The following LYZ variants were observed in gnomAD, a reference collection of about 807,000 sequenced individuals.
LYZ encodes lysozyme.
Under a neutral mutation model 15.8 loss-of-function variants are expected in LYZ, and 18 were observed. The observed-to-expected ratio is 1.14, with a 90% CI of 0.79 to 1.69. The LOEUF is 1.69. LYZ is among the 40% of genes most tolerant of loss of function. The pLI is 0.00. For missense variants in LYZ, 139 were observed against 182.8 expected (o/e 0.76, Z 1.38); for synonymous variants, 60 against 61.7 (o/e 0.97, Z 0.13).
intron 3 of LYZ, among the ~76,000 whole-genome samples, chr12:69,352,677 C>G (rs1874867977): frequency 6.6e-6 from 1 of 152,146 alleles, no homozygotes; most frequent in Non-Finnish European, 1.5e-5. Flanking sequence ...AGTTCGAGAC[C>G]AGCCTGCCTA....
rs1874775344 is a variant in LYZ, at chr12:69,348,543, C to G, written c.135C>G (p.Asn45Lys). The G allele has an allele frequency of 6.2e-7, 1 of 1,614,028 alleles. No individual in the cohort carries two copies. Among genetic ancestry groups the G allele is most frequent in the South Asian group, 1.1e-5 (1 of 91,084 alleles). The change falls in exon 1 of 4, where the codon AAC becomes AAG. Residue 45 changes from asparagine to lysine, a missense_variant and splice_region_variant. Coordinates refer to ENST00000261267, the MANE Select transcript of LYZ (RefSeq NM_000239.3). ...MDGYRGISLA[N>K]WMCLAKWESG... ...GCTACAGGGGAATCAGCCTAGCAAA[C>G]TGTAAGTCTACTCTCCATAATTCCA...
In LYZ at chr12:69,353,396, A is replaced by G; in HGVS notation, c.*177A>G. On this transcript the variant is annotated 3_prime_UTR_variant, in exon 4 of 4. Coordinates refer to ENST00000261267, the MANE Select transcript of LYZ (RefSeq NM_000239.3). ...TAATGTTCACTAATGTGGTTATTTTACATTAAGCCTACAACATTTTTCAGT... is the reference window on the plus strand; with the variant it reads ...TAATGTTCACTAATGTGGTTATTTTGCATTAAGCCTACAACATTTTTCAGT... 1 of 677,608 alleles carries G rather than the reference A, an allele frequency of 1.5e-6. No individual in the cohort carries two copies. The highest frequency in any genetic ancestry group is 2.7e-6 in the Non-Finnish European group (1 of 375,182). 42.0% of individuals were successfully genotyped at this position (677,608 alleles called of 1,614,324 possible).
intron 1 of LYZ, among the ~76,000 whole-genome samples, chr12:69,348,995 T>C (rs1565669232): frequency 6.6e-6 from 1 of 151,946 alleles, no homozygotes; most frequent in Admixed American, 6.6e-5. Context: ...TTTATTTTTA[T>C]TTTTATTTTA....
chr12:69,352,230 A>G lies in LYZ; in HGVS notation c.312A>G (p.Gln104=), dbSNP rs1874857426. 2 of 1,613,488 alleles carry G rather than the reference A, an allele frequency of 1.2e-6. No individual in the cohort carries two copies. The highest frequency in any genetic ancestry group is 8.5e-7 in the Non-Finnish European group (1 of 1,179,434). ...CCACCTGTCTTTCAGCTTTGCTGCA[A>G]GATAACATCGCTGATGCTGTAGCTT... is the stretch of plus-strand genomic sequence containing the variant. ...ACHLSCSALL[Q]DNIADAVACA... The change falls in exon 3 of 4, where the codon CAA becomes CAG. Residue 104 remains glutamine, a synonymous_variant. Transcript: ENST00000261267.
At chr12:69,351,339 A>C (rs1592840512) in intron 2 of LYZ, among the ~76,000 whole-genome samples, 3 of 151,820 alleles carry the variant, frequency 2.0e-5, no homozygotes. Context: ...TTCCCAATAA[A>C]GAACATTAAT....
chr12:69,352,949 G>A (rs375485267), intron 3 of LYZ, among the ~76,000 whole-genome samples: 3 of 152,042 alleles, frequency 2.0e-5, no homozygotes, highest in African/African-American at 4.8e-5. Flanking sequence ...CTTTATGTTC[G>A]GCATTCTATG....
intron 3 of LYZ, 123 bp from the exon 4 acceptor site, chr12:69,353,030 T>G (rs963888055): frequency 4.0e-5 from 30 of 755,346 alleles, no homozygotes; most frequent in Non-Finnish European, 7.2e-5. Context: ...TAGCAATAGC[T>G]GGGTCTATCT....
rs1183101819 is a variant in LYZ at position 69,350,150 on chromosome 12, C to CTACA, written c.180_183dup (p.Asn62TyrfsTer11). The CTACA allele has an allele frequency of 6.2e-7, 1 of 1,614,038 alleles. No individual in the cohort carries two copies. Among genetic ancestry groups the CTACA allele is most frequent in the Non-Finnish European group, 8.5e-7 (1 of 1,179,980 alleles). Reference sequence around the variant, plus strand: ...TGGGAGAGTGGTTACAACACACGAGCTACAAACTACAATGCTGGAGACAGA... The same window carrying CTACA: ...TGGGAGAGTGGTTACAACACACGAGCTACATACAAACTACAATGCTGGAGACAGA... On this transcript the variant is annotated frameshift_variant, in exon 2 of 4. Coordinates refer to ENST00000261267, the MANE Select transcript of LYZ (RefSeq NM_000239.3). LOFTEE classifies it high-confidence loss of function.
chr12:69,348,526 G>T lies in LYZ; in HGVS notation c.118G>T (p.Gly40Ter). Residue 40 changes from glycine to a stop codon, truncating the protein, a stop_gained, in exon 1 of 4, where the codon GGA becomes TGA. Coordinates refer to ENST00000261267, the MANE Select transcript of LYZ (RefSeq NM_000239.3). LOFTEE classifies it high-confidence loss of function. The stretch of plus-strand genomic sequence containing the variant: ...AAGATTGGGAATGGATGGCTACAGG[G>T]GAATCAGCCTAGCAAACTGTAAGTC... ...LKRLGMDGYR[G>*]ISLANWMCLA... is the part of the protein sequence containing the mutation. The T allele has an allele frequency of 6.2e-7, 1 of 1,614,136 alleles. No homozygotes were observed. The highest frequency in any genetic ancestry group is 1.1e-5 in the South Asian group (1 of 91,080).
At chr12:69,350,391 GA>G (rs1382289960) in intron 2 of LYZ, 119 bp downstream of exon 2, 1 of 948,692 alleles carries the variant, frequency 1.1e-6, no homozygotes, top group Non-Finnish European at 1.7e-6. Context: ...TCAACTTCCA[GA>G]AAGTCATTAT....
Position 69,353,497 on chromosome 12 carries a change from C to CTTTT in LYZ, c.*286_*289dup. 1 of 298,246 alleles carries CTTTT rather than the reference C, an allele frequency of 3.4e-6. No homozygotes were observed. The highest frequency in any genetic ancestry group is 2.9e-5 in the South Asian group (1 of 34,352). The allele number at this position is 298,246 out of a possible 1,614,324, so 18.5% of individuals were successfully genotyped here. A position where few individuals can be genotyped will look rare whatever the true frequency, so the allele number is the denominator to read the frequency against. On this transcript the variant is annotated 3_prime_UTR_variant, in exon 4 of 4. Transcript: ENST00000261267. ...AAATACATCTCCAGTACATTCCGTT[C>CTTTT]TTTTTTTTTTTGAGACAGTCTCGCT...
chr12:69,350,277 G>C lies in LYZ; in HGVS notation c.301+5G>C. On this transcript the variant is annotated splice_donor_5th_base_variant and intron_variant, in intron 2 of 3. Coordinates refer to ENST00000261267, the MANE Select transcript of LYZ (RefSeq NM_000239.3). ...CCTGTCATTTATCCTGCAGTGGTAA[G>C]ACAAGCTAATATTTGACCAATCTGG... The C allele has an allele frequency of 1.9e-6, 3 of 1,614,028 alleles. No homozygotes were observed. Among genetic ancestry groups the C allele is most frequent in the Non-Finnish European group, 2.5e-6 (3 of 1,179,928 alleles).
chr12:69,350,269 A>G lies in LYZ; in HGVS notation c.298A>G (p.Ser100Gly), dbSNP rs756190461. 20 of 1,614,140 alleles carry G rather than the reference A, an allele frequency of 1.2e-5. No individual in the cohort carries two copies. Among genetic ancestry groups the G allele is most frequent in the Non-Finnish European group, 1.6e-5 (19 of 1,179,978 alleles). Residue 100 changes from serine (S) to glycine (G), a missense_variant, in exon 2 of 4, where the codon AGT (serine) becomes GGT (glycine). Ser to Gly is a moderately conservative substitution (Grantham distance 56). Coordinates refer to ENST00000261267, the MANE Select transcript of LYZ (RefSeq NM_000239.3). The part of the protein sequence containing the change: ...GAVNACHLSC[S>G]ALLQDNIADA... Reference sequence around the variant, plus strand: ...AGTTAATGCCTGTCATTTATCCTGCAGTGGTAAGACAAGCTAATATTTGAC... The same window carrying G: ...AGTTAATGCCTGTCATTTATCCTGCGGTGGTAAGACAAGCTAATATTTGAC...
intron 2 of LYZ, 75 bp from the exon 3 acceptor site, chr12:69,352,145 G>T: frequency 1.0e-6 from 1 of 992,130 alleles, no homozygotes; most frequent in South Asian, 1.4e-5. Context: ...CAGCCTAACA[G>T]AAAAAAGCTG....
At chr12:69,348,619 AG>A (rs2120823050) in intron 1 of LYZ, 75 bp downstream of exon 1, 1 of 1,546,468 alleles carries the variant, frequency 6.5e-7, no homozygotes, top group East Asian at 2.3e-5. Flanking sequence ...AAGAAGAAGA[AG>A]GGGCTTTGAG....
chr12:69,349,837 G>A (rs970264048), intron 1 of LYZ, among the ~76,000 whole-genome samples: 4 of 152,098 alleles, frequency 2.6e-5, no homozygotes, highest in East Asian at 3.8e-4. Flanking sequence ...ATGGGAGCAC[G>A]GGAAGGGTAA....
chr12:69,352,389 T>C, intron 3 of LYZ, 91 bp downstream of exon 3: 1 of 981,894 alleles, frequency 1.0e-6, no homozygotes, highest in Non-Finnish European at 1.6e-6. Context: ...AGTATGCTAA[T>C]GACACCTCAA....
rs546797818 is a variant in LYZ at position 69,348,594 on chromosome 12, C to T, written c.136+50C>T. The T allele has an allele frequency of 1.7e-5, 27 of 1,605,752 alleles. No homozygotes were observed. The African/African-American group carries it at 2.0e-4, about 12-fold the overall frequency. On this transcript the variant is annotated intron_variant, in intron 1 of 3. Coordinates refer to ENST00000261267, the MANE Select transcript of LYZ (RefSeq NM_000239.3). ...GAGAATTAGCTACGTATGGAACAGA[C>T]ACTAGGAGAGAAGGAAGAAGAAGAA...
chr12:69,352,977 G>C (rs562510934), intron 3 of LYZ, among the ~76,000 whole-genome samples, 176 bp from the exon 4 acceptor site: 1 of 152,186 alleles, frequency 6.6e-6, no homozygotes, highest in African/African-American at 2.4e-5. Flanking sequence ...GAGAAATTTG[G>C]GTAGGAGTGA....
Sources: allele counts gnomAD v4.1 joint callset (sites outside exome capture counted in the v4.1 genomes callset), GRCh38; gene constraint gnomAD v4.1.1; transcripts MANE v1.5; gene names NCBI Gene and HGNC (gene_info 2026-07-23, HGNC 2026-07-21).